Variants in USP6NL observed in about 807,000 individuals in gnomAD.
USP6NL encodes the protein USP6 N-terminal-like protein.
A neutral mutation model predicts 61.9 loss-of-function variants in USP6NL; 26 were observed. The observed-to-expected ratio is 0.42, with a 90% confidence interval of 0.31 to 0.58. The LOEUF is 0.58. Among genes scored for constraint, USP6NL ranks in the 20% least tolerant of loss-of-function variants. The probability of loss-of-function intolerance (pLI) is 0.16; values close to 1 mark genes in which losing one functional copy is unlikely to be tolerated. For missense variants in USP6NL, 1,114 were observed against 1,034.3 expected (o/e 1.08, Z -1.06); for synonymous variants, 432 against 390.1 (o/e 1.11, Z -1.27).
intron 14 of USP6NL, among the ~76,000 whole-genome samples, chr10:11,479,426 T>A (rs2133212070): frequency 6.6e-6 from 1 of 152,252 alleles, no homozygotes; most frequent in East Asian, 1.9e-4. Flanking sequence ...CTCTATCCAA[T>A]CAGTAAACAT....
At chr10:11,527,644 T>G in intron 2 of USP6NL, 77 bp from the exon 3 acceptor site, 1 of 1,291,308 alleles carries the variant, frequency 7.7e-7, no homozygotes, top group Non-Finnish European at 1.1e-6. Flanking sequence ...AACTAAGACA[T>G]AATAAAACAA....
intron 2 of USP6NL, among the ~76,000 whole-genome samples, chr10:11,541,276 T>G (rs1409101157): frequency 8.4e-6 from 1 of 119,576 alleles, no homozygotes; most frequent in Non-Finnish European, 1.8e-5. Flanking sequence ...TATATATATA[T>G]GTATGTCACT....
chr10:11,604,451 C>G (rs1156956847), intron 1 of USP6NL, among the ~76,000 whole-genome samples: 1 of 152,154 alleles, frequency 6.6e-6, no homozygotes, highest in African/African-American at 2.4e-5. Context: ...AAAGAGACTA[C>G]TGACAGTGAA....
At position 11,585,680 on chromosome 10, in the gene USP6NL, A is replaced by G. The variant is rs1218603687; in HGVS notation, c.4+11951T>C. Among the ~76,000 whole-genome samples the G allele has an allele frequency of 2.0e-5, 3 of 152,168 alleles. No homozygotes were observed. The highest frequency in any genetic ancestry group is 4.4e-5 in the Non-Finnish European group (3 of 68,032). On this transcript the variant is annotated intron_variant, in intron 2 of 14. Coordinates refer to ENST00000609104, the MANE Select transcript of USP6NL (RefSeq NM_014688.5). The surrounding 1 kb of genome is among the most constrained non-coding windows in gnomAD (Gnocchi z 4.5). ...TCCATCTCAAAAATAAATAAATTAA[A>G]TTAAATTGAATAAAAATTTAAAAAG...
rs903209699 is a variant in USP6NL, at chr10:11,585,331, C to A, written c.4+12300G>T. On this transcript the variant is annotated intron_variant, in intron 2 of 14. Transcript: ENST00000609104. The surrounding 1 kb of genome is among the most constrained non-coding windows in gnomAD (Gnocchi z 4.5). ...AAAAAAGAATTACAGTATGATCCAG[C>A]AATTCCACTTCTTGGTACAGACCCA... Among the ~76,000 whole-genome samples the A allele has an allele frequency of 9.9e-5, 15 of 152,150 alleles. No individual in the cohort carries two copies. Among genetic ancestry groups the A allele is most frequent in the Non-Finnish European group, 2.1e-4 (14 of 68,028 alleles).
chr10:11,487,856 C>G lies in USP6NL; in HGVS notation c.664+1246G>C, dbSNP rs117670766. Reference sequence around the variant, plus strand: ...ATCCTCACATGGTCAGAGTGTGAGACTTCACAAACAATGGGCTATAGAAAG... The same window carrying G: ...ATCCTCACATGGTCAGAGTGTGAGAGTTCACAAACAATGGGCTATAGAAAG... On this transcript the variant is annotated intron_variant, in intron 10 of 14. Transcript: ENST00000609104. The surrounding 1 kb of genome is among the most constrained non-coding windows in gnomAD (Gnocchi z 4.2). 1.3e-5 allele frequency among the ~76,000 whole-genome samples: 2 copies of G among 152,154 alleles called. No individual in the cohort carries two copies. Among genetic ancestry groups the G allele is most frequent in the African/African-American group, 4.8e-5 (2 of 41,434 alleles).
chr10:11,512,232 G>A lies in USP6NL; in HGVS notation c.196-2557C>T, dbSNP rs78939085. On this transcript the variant is annotated intron_variant, in intron 5 of 14. Coordinates refer to ENST00000609104, the MANE Select transcript of USP6NL (RefSeq NM_014688.5). ...CAGAGACTTTAAAGTCGACATATCC[G>A]AAACTATTTTCCCAAACATGCTGCT... Among the ~76,000 whole-genome samples the A allele has an allele frequency of 8.4e-4, 128 of 152,234 alleles. 5 individuals carry two copies. In the East Asian group the frequency reaches 0.02, roughly 24 times the overall value.
Position 11,478,538 on chromosome 10 carries a change from C to G in USP6NL, c.1078+3232G>C, listed in dbSNP as rs1213246170. ...AATAAAATACTGTATCTGAATACCA[C>G]TAAAATACTAGTGGATTCTTTTTTG... On this transcript the variant is annotated intron_variant, in intron 14 of 14. Transcript: ENST00000609104. This position sits in a 1 kb window ranked among gnomAD's most constrained non-coding sequence, Gnocchi z 6.8. 6.6e-6 allele frequency among the ~76,000 whole-genome samples: 1 copy of G among 152,168 alleles called. No individual in the cohort carries two copies. Among genetic ancestry groups the G allele is most frequent in the Non-Finnish European group, 1.5e-5 (1 of 68,018 alleles).
Position 11,541,230 on chromosome 10 carries a change from CATATATATATATATATATATATAT to C in USP6NL, c.5-13687_5-13664del, listed in dbSNP as rs71378797. Among the ~76,000 whole-genome samples, 101 of 43,208 alleles carry C rather than the reference CATATATATATATATATATATATAT, an allele frequency of 2.3e-3. 1 individual carries two copies. Among genetic ancestry groups the C allele is most frequent in the South Asian group, 5.8e-3 (6 of 1,040 alleles). 28.3% of individuals were successfully genotyped at this position (43,208 alleles called of 152,430 possible). ...TTTATATAACAAACATCAATAGTGC[CATATATATATATATATATATATAT>C]ATATATATATATATATATATATGTA... On this transcript the variant is annotated intron_variant, in intron 2 of 14. Coordinates refer to ENST00000609104, the MANE Select transcript of USP6NL (RefSeq NM_014688.5).
chr10:11,480,126 C>T (rs562190145), intron 14 of USP6NL, among the ~76,000 whole-genome samples: 31 of 152,310 alleles, frequency 2.0e-4, no homozygotes, highest in Non-Finnish European at 2.9e-5. Context: ...TTCTCTGTCC[C>T]CATTCTATCA....
chr10:11,493,623 C>T (rs1213720382), intron 7 of USP6NL, among the ~76,000 whole-genome samples: 1 of 152,324 alleles, frequency 6.6e-6, no homozygotes, highest in Non-Finnish European at 1.5e-5. Context: ...CTAATCATTG[C>T]CTTGTTTCTC....
intron 2 of USP6NL, among the ~76,000 whole-genome samples, chr10:11,529,582 T>C (rs760875918): frequency 1.3e-5 from 2 of 152,252 alleles, no homozygotes; most frequent in Non-Finnish European, 2.9e-5. Context: ...ATGCTTTCCT[T>C]TGGGGGATGT....
chr10:11,610,385 T>C (rs1297783898), intron 1 of USP6NL, among the ~76,000 whole-genome samples: 1 of 152,200 alleles, frequency 6.6e-6, no homozygotes, highest in Admixed American at 6.5e-5. Flanking sequence ...AATTTATTCT[T>C]ATTCAGATGA....
Position 11,544,106 on chromosome 10 carries a change from C to T in USP6NL, c.5-16539G>A, listed in dbSNP as rs373998363. On this transcript the variant is annotated intron_variant, in intron 2 of 14. Coordinates refer to ENST00000609104, the MANE Select transcript of USP6NL (RefSeq NM_014688.5). ...GATTACAGGCGTGAGCCACCATGCCCGGCCCAATATTTAGGTTTCTTTACG... is the reference window on the plus strand; with the variant it reads ...GATTACAGGCGTGAGCCACCATGCCTGGCCCAATATTTAGGTTTCTTTACG... 4.6e-5 allele frequency among the ~76,000 whole-genome samples: 7 copies of T among 152,028 alleles called. No individual in the cohort carries two copies. In the East Asian group the frequency reaches 9.7e-4, roughly 21 times the overall value.
At chr10:11,479,702 A>T (rs1449960691) in intron 14 of USP6NL, among the ~76,000 whole-genome samples, 4 of 151,460 alleles carry the variant, frequency 2.6e-5, no homozygotes. Context: ...CAACTTCCCG[A>T]GTAACTGGGA....
rs1833205402 is a variant in USP6NL at position 11,481,684 on chromosome 10, G to A, written c.1078+86C>T. 1.4e-6 allele frequency: 2 copies of A among 1,388,130 alleles called. No individual in the cohort carries two copies. The highest frequency in any genetic ancestry group is 1.9e-6 in the Non-Finnish European group (2 of 1,038,356). The allele number at this position is 1,388,130 out of a possible 1,614,324, so 86.0% of individuals were successfully genotyped here. A position where few individuals can be genotyped will look rare whatever the true frequency, so the allele number is the denominator to read the frequency against. On this transcript the variant is annotated intron_variant, in intron 14 of 14. Coordinates refer to ENST00000609104, the MANE Select transcript of USP6NL (RefSeq NM_014688.5). This position sits in a 1 kb window ranked among gnomAD's most constrained non-coding sequence, Gnocchi z 4.4. ...TCATCACAAGTATAATGCTTACGCT[G>A]TGGGCAAGAAACAGCCCATGTTAAT... is the stretch of plus-strand genomic sequence containing the variant.
rs1834838842 is a variant in USP6NL at position 11,513,913 on chromosome 10, T to C, written c.196-4238A>G. 6.6e-6 allele frequency among the ~76,000 whole-genome samples: 1 copy of C among 152,166 alleles called. No homozygotes were observed. Among genetic ancestry groups the C allele is most frequent in the Non-Finnish European group, 1.5e-5 (1 of 68,028 alleles). On this transcript the variant is annotated intron_variant, in intron 5 of 14. Coordinates refer to ENST00000609104, the MANE Select transcript of USP6NL (RefSeq NM_014688.5). This position sits in a 1 kb window ranked among gnomAD's most constrained non-coding sequence, Gnocchi z 4.7. ...CTTTGTCTCTGATGACACTGATGTTTTGAAAAGTCAAGGCCACACTATCTG... is the reference window on the plus strand; with the variant it reads ...CTTTGTCTCTGATGACACTGATGTTCTGAAAAGTCAAGGCCACACTATCTG...
intron 7 of USP6NL, among the ~76,000 whole-genome samples, chr10:11,500,643 T>C (rs1482752692): frequency 6.6e-6 from 1 of 152,084 alleles, no homozygotes; most frequent in East Asian, 1.9e-4. Flanking sequence ...TGGGGCAAAG[T>C]CATCTTTTTT....
At chr10:11,577,721 G>A (rs1328767962) in intron 2 of USP6NL, among the ~76,000 whole-genome samples, 4 of 151,324 alleles carry the variant, frequency 2.6e-5, no homozygotes, top group Admixed American at 6.6e-5. Flanking sequence ...AGCTGGTCTC[G>A]AACTCCTGAC....
Sources: allele counts gnomAD v4.1 joint callset (sites outside exome capture counted in the v4.1 genomes callset), GRCh38; gene constraint gnomAD v4.1.1; non-coding constraint Gnocchi (gnomAD v3.1); transcripts MANE v1.5; gene names NCBI Gene and HGNC (gene_info 2026-07-23, HGNC 2026-07-21).